SLC9C1: variants seen among roughly 807,000 people sequenced by gnomAD.
SLC9C1 encodes the protein sodium/hydrogen exchanger 10.
In SLC9C1, 97 loss-of-function variants were observed where a neutral mutation model predicts 140.9. The observed-to-expected ratio is 0.69, with a 90% CI of 0.58 to 0.82. The LOEUF is 0.82. SLC9C1 is among the 40% of genes least tolerant of loss of function. The probability of loss-of-function intolerance (pLI) is 0.00; values close to 1 mark genes in which losing one functional copy is unlikely to be tolerated. For synonymous variants in SLC9C1, 440 were observed against 442.6 expected, an observed-to-expected ratio of 0.99 and a Z score of 0.07; for missense variants, 1,340 against 1,389.3, an observed-to-expected ratio of 0.96 and a Z score of 0.56.
At chr3:112,289,479 A>C (rs1432490939) in intron 1 of SLC9C1, among the ~76,000 whole-genome samples, 3 of 152,240 alleles carry the variant, frequency 2.0e-5, no homozygotes, top group Non-Finnish European at 2.9e-5. Flanking sequence ...GCACAGAAGC[A>C]GCAGTCACTC....
In SLC9C1 at chr3:112,274,946, A is replaced by G; in HGVS notation, c.564T>C (p.Ser188=). Residue 188 remains serine, a synonymous_variant, in exon 6 of 29, where the codon AGT becomes AGC. Coordinates refer to ENST00000305815, the MANE Select transcript of SLC9C1 (RefSeq NM_183061.3). ...TSVISLITFT[S]IMDFDQRLQS... is the part of the protein sequence containing the mutation. ...GTAGTCTTTGGTCAAAATCCATAAT[A>G]CTAGTAAATGTAATTAATGATATAA... The G allele has an allele frequency of 6.3e-7, 1 of 1,575,072 alleles. No individual in the cohort carries two copies. Among genetic ancestry groups the G allele is most frequent in the African/African-American group, 1.4e-5 (1 of 72,520 alleles).
At chr3:112,217,352 A>G in intron 15 of SLC9C1, 90 bp downstream of exon 15, 1 of 1,443,826 alleles carries the variant, frequency 6.9e-7, no homozygotes, top group South Asian at 1.5e-5. Context: ...TAGTATAATA[A>G]CAAAAAATTC....
rs1668351754 is a variant in SLC9C1 at position 112,185,874 on chromosome 3, C to T, written c.2524-3616G>A. On this transcript the variant is annotated intron_variant, in intron 20 of 28. Coordinates refer to ENST00000305815, the MANE Select transcript of SLC9C1 (RefSeq NM_183061.3). ...GACTGCGCGGCACAGCTCCCACTCG[C>T]CAGGCGGCAGGGGGCTCTCAGCCAC... The T allele has an allele frequency of 3.1e-6, 5 of 1,588,952 alleles. No individual in the cohort carries two copies. The South Asian group carries it at 3.4e-5, about 11-fold the overall frequency.
At chr3:112,212,227 A>G (rs1358588498) in intron 15 of SLC9C1, among the ~76,000 whole-genome samples, 1 of 152,222 alleles carries the variant, frequency 6.6e-6, no homozygotes, top group East Asian at 1.9e-4. Flanking sequence ...ATCAAAGACC[A>G]AAAGTAGATA....
intron 27 of SLC9C1, among the ~76,000 whole-genome samples, chr3:112,153,618 G>GC (rs1193922864): frequency 6.6e-6 from 1 of 152,168 alleles, no homozygotes; most frequent in Admixed American, 6.5e-5. Context: ...AACTGTGTAG[G>GC]AATTGCTGGT....
At chr3:112,196,228 T>G (rs1417970067) in intron 20 of SLC9C1, among the ~76,000 whole-genome samples, 1 of 152,102 alleles carries the variant, frequency 6.6e-6, no homozygotes, top group African/African-American at 2.4e-5. Context: ...CACTGGCTTC[T>G]GGCCTCCAAG....
In SLC9C1 at chr3:112,261,254, C is replaced by T. The variant is rs2079763417; in HGVS notation, c.1197+1670G>A. ...TTCATCATAGTAAAGACTAGAATTC[C>T]ACAGACATTGATATTTTTCAAAAAG... On this transcript the variant is annotated intron_variant, in intron 10 of 28. Transcript: ENST00000305815. Among the ~76,000 whole-genome samples the T allele has an allele frequency of 3.3e-5, 5 of 152,102 alleles. No homozygotes were observed. The South Asian group carries it at 1.0e-3, about 32-fold the overall frequency.
chr3:112,180,050 A>C (rs1052128223), intron 22 of SLC9C1, among the ~76,000 whole-genome samples: 8 of 152,196 alleles, frequency 5.3e-5, no homozygotes, highest in African/African-American at 1.7e-4. Context: ...ATCTGTGAGA[A>C]AGTATGGCTT....
At chr3:112,207,998 A>G (rs1315562121) in intron 16 of SLC9C1, among the ~76,000 whole-genome samples, 180 bp downstream of exon 16, 2 of 152,214 alleles carry the variant, frequency 1.3e-5, no homozygotes, top group Non-Finnish European at 2.9e-5. Flanking sequence ...TGCTTCAAGT[A>G]TGCATATTAT....
chr3:112,233,184 T>G (rs2108180527), intron 12 of SLC9C1, among the ~76,000 whole-genome samples: 1 of 151,932 alleles, frequency 6.6e-6, no homozygotes, highest in East Asian at 1.9e-4. Flanking sequence ...TCTTCCTACC[T>G]CAGTCTCCCG....
chr3:112,174,215 A>G lies in SLC9C1; in HGVS notation c.2920-4887T>C, dbSNP rs1245434985. On this transcript the variant is annotated intron_variant, in intron 23 of 28. Transcript: ENST00000305815. ...TTTGTCAGATGCATAGTTTGCAAGC[A>G]TTGTCTTCCATTCTGTAAGTTGTTG... 3.3e-5 allele frequency among the ~76,000 whole-genome samples: 5 copies of G among 152,294 alleles called. No individual in the cohort carries two copies. In the South Asian group the frequency reaches 6.2e-4, roughly 19 times the overall value.
At chr3:112,246,731 G>A (rs2079295906) in intron 10 of SLC9C1, among the ~76,000 whole-genome samples, 1 of 152,120 alleles carries the variant, frequency 6.6e-6, no homozygotes, top group Non-Finnish European at 1.5e-5. Context: ...CACCAGTGGT[G>A]GCCTTAAGCT....
intron 12 of SLC9C1, among the ~76,000 whole-genome samples, chr3:112,237,026 C>G (rs1034437893): frequency 5.9e-5 from 9 of 152,158 alleles, no homozygotes; most frequent in Non-Finnish European, 1.5e-5. Context: ...TCCTTGTTAA[C>G]TTTCTGTCTC....
chr3:112,171,659 G>A (rs2077249589), intron 23 of SLC9C1, among the ~76,000 whole-genome samples: 1 of 151,984 alleles, frequency 6.6e-6, no homozygotes, highest in South Asian at 2.1e-4. Context: ...TTCGTTTTAT[G>A]GTTAGTACTT....
chr3:112,278,992 G>GT (rs2080290964), intron 3 of SLC9C1, 135 bp from the exon 4 acceptor site: 3 of 799,242 alleles, frequency 3.8e-6, no homozygotes, highest in South Asian at 4.1e-5. Flanking sequence ...GTAAGTGATC[G>GT]TATCAAATTC....
At chr3:112,233,568 G>A (rs1031206916) in intron 12 of SLC9C1, among the ~76,000 whole-genome samples, 8 of 151,806 alleles carry the variant, frequency 5.3e-5, no homozygotes, top group Admixed American at 3.9e-4. Flanking sequence ...TGCCATGTTG[G>A]TGTGCTGCAC....
At chr3:112,287,438 T>A (rs2108366479) in intron 1 of SLC9C1, among the ~76,000 whole-genome samples, 3 of 152,332 alleles carry the variant, frequency 2.0e-5, no homozygotes, top group Middle Eastern at 6.8e-3. Context: ...GTTCTCTAAA[T>A]TTATATGTGT....
chr3:112,191,974 C>G (rs1280915415), intron 20 of SLC9C1, among the ~76,000 whole-genome samples: 1 of 151,312 alleles, frequency 6.6e-6, no homozygotes, highest in Non-Finnish European at 1.5e-5. Flanking sequence ...TTTTTTTATT[C>G]TATTCTAATT....
At chr3:112,273,681 CACA>C (rs1197096199) in intron 6 of SLC9C1, among the ~76,000 whole-genome samples, 1 of 152,074 alleles carries the variant, frequency 6.6e-6, no homozygotes, top group Non-Finnish European at 1.5e-5. Context: ...TCCCTGGTTG[CACA>C]ACAATGAAGC....
Sources: gnomAD v4.1 joint callset for allele counts (sites outside exome capture counted in the v4.1 genomes callset) on GRCh38, gnomAD v4.1.1 for gene constraint, MANE v1.5 for transcripts, NCBI Gene and HGNC (gene_info 2026-07-23, HGNC 2026-07-21) for gene names.